PI4KA: variants seen among roughly 807,000 people sequenced by gnomAD.
PI4KA encodes the protein PI4-kinase alpha.
PI4KA carries 122 observed loss-of-function variants against 271.4 expected under a neutral mutation model. The observed-to-expected ratio is 0.45, with a 90% CI of 0.39 to 0.52. The LOEUF is 0.52. Ranked by LOEUF, PI4KA falls within the 20% of genes least tolerant of loss-of-function variation. PI4KA has a pLI of 0.00. For missense variants in PI4KA, 1,969 were observed against 2,769.1 expected, an observed-to-expected ratio of 0.71 and a Z score of 6.48; for synonymous variants, 1,041 against 1,078.8, an observed-to-expected ratio of 0.96 and a Z score of 0.69.
intron 22 of PI4KA, among the ~76,000 whole-genome samples, chr22:20,761,955 T>C (rs1932011809): frequency 6.6e-6 from 1 of 152,238 alleles, no homozygotes; most frequent in African/African-American, 2.4e-5. Flanking sequence ...AACAGTAGGA[T>C]AGTAGAAATG....
At chr22:20,804,883 G>C in intron 11 of PI4KA, 91 bp downstream of exon 11, 2 of 1,043,684 alleles carry the variant, frequency 1.9e-6, no homozygotes, top group Non-Finnish European at 2.9e-6. Flanking sequence ...ACAGAGCCAA[G>C]TGTTCTAGAA....
Position 20,708,197 on chromosome 22 carries a change from G to A in PI4KA, c.6258-99C>T, listed in dbSNP as rs1291547791. ...CTACCTGTCCAATCAGCCCCTTATG[G>A]CTGCCCAGCACCTGAAGGTACAAAT... On this transcript the variant is annotated intron_variant, in intron 54 of 54. Transcript: ENST00000255882. 3.3e-5 allele frequency: 30 copies of A among 901,520 alleles called. No homozygotes were observed. The East Asian group carries it at 6.7e-4, about 20-fold the overall frequency. 55.8% of individuals were successfully genotyped at this position (901,520 alleles called of 1,614,324 possible). A position where few individuals can be genotyped will look rare whatever the true frequency, so the allele number is the denominator to read the frequency against.
At chr22:20,753,921 C>T (rs1235508607) in intron 23 of PI4KA, among the ~76,000 whole-genome samples, 2 of 152,112 alleles carry the variant, frequency 1.3e-5, no homozygotes, top group African/African-American at 2.4e-5. Context: ...CTCCTGACAT[C>T]GTGATCCGCC....
intron 1 of PI4KA, among the ~76,000 whole-genome samples, chr22:20,855,941 T>TA (rs1434557071): frequency 6.6e-6 from 1 of 152,216 alleles, no homozygotes; most frequent in Non-Finnish European, 1.5e-5. Context: ...CAGGCTCTTG[T>TA]AAAAACAGCA....
rs780154359 is a variant in PI4KA, at chr22:20,819,599, G to C, written c.789+42C>G. 7 of 1,572,698 alleles carry C rather than the reference G, an allele frequency of 4.5e-6. No homozygotes were observed. The African/African-American group carries it at 9.5e-5, about 21-fold the overall frequency. ...ATTTTCTTCGCAGGGGAGCTTAACA[G>C]GGTCTTTCTCCTCTGCTCTTTCCCC... On this transcript the variant is annotated intron_variant, in intron 6 of 54. Coordinates refer to ENST00000255882, the MANE Select transcript of PI4KA (RefSeq NM_058004.4).
intron 8 of PI4KA, 115 bp downstream of exon 8, chr22:20,813,243 A>T: frequency 1.3e-6 from 1 of 760,584 alleles, no homozygotes; most frequent in Non-Finnish European, 2.2e-6. Flanking sequence ...TATGACTATT[A>T]AATTGTACTT....
intron 44 of PI4KA, among the ~76,000 whole-genome samples, chr22:20,718,471 G>A (rs1266689293): frequency 6.6e-6 from 1 of 152,164 alleles, no homozygotes; most frequent in Non-Finnish European, 1.5e-5. Flanking sequence ...TGGCGTGGCC[G>A]TGCATTCTGC....
At chr22:20,713,538 G>C in intron 47 of PI4KA, 148 bp from the exon 48 acceptor site, 1 of 628,272 alleles carries the variant, frequency 1.6e-6, no homozygotes, top group Non-Finnish European at 2.8e-6. Context: ...CCAAGGAGGA[G>C]CCCAGCAGGG....
In PI4KA at chr22:20,721,938, T is replaced by C. The variant is rs114731164; in HGVS notation, c.4996-520A>G. ...AGGAAGAGACCTGGTGGGAGGTGAC[T>C]GGATCATGGGGACGGTTCCCCCTTG... is the stretch of plus-strand genomic sequence containing the variant. On this transcript the variant is annotated intron_variant, in intron 42 of 54. Coordinates refer to ENST00000255882, the MANE Select transcript of PI4KA (RefSeq NM_058004.4). 4.8e-3 allele frequency: 768 copies of C among 159,106 alleles called. 11 individuals are homozygous for C. Among genetic ancestry groups the C allele is most frequent in the African/African-American group, 0.017 (699 of 41,772 alleles). 9.9% of individuals were successfully genotyped at this position (159,106 alleles called of 1,614,324 possible).
In PI4KA at chr22:20,824,241, T is replaced by C. The variant is rs1300811499; in HGVS notation, c.456+85A>G. Reference sequence around the variant, plus strand: ...ATATCAACAAACAATTCAATCACATTTCACGTTTTTAAAATCTTTTCATCA... The same window carrying C: ...ATATCAACAAACAATTCAATCACATCTCACGTTTTTAAAATCTTTTCATCA... On this transcript the variant is annotated intron_variant, in intron 4 of 54. Coordinates refer to ENST00000255882, the MANE Select transcript of PI4KA (RefSeq NM_058004.4). The C allele has an allele frequency of 3.5e-6, 3 of 860,984 alleles. No homozygotes were observed. The African/African-American group carries it at 5.0e-5, about 14-fold the overall frequency. 53.3% of individuals were successfully genotyped at this position (860,984 alleles called of 1,614,324 possible).
At chr22:20,716,998 C>A (rs1406169532) in intron 45 of PI4KA, among the ~76,000 whole-genome samples, 1 of 152,142 alleles carries the variant, frequency 6.6e-6, no homozygotes, top group Admixed American at 6.5e-5. Context: ...GTAATCCTAG[C>A]ACTTTGGGAG....
intron 42 of PI4KA, among the ~76,000 whole-genome samples, chr22:20,726,102 C>T (rs759732838): frequency 2.0e-5 from 3 of 152,174 alleles, no homozygotes; most frequent in Non-Finnish European, 2.9e-5. Context: ...TGTGGTGCTT[C>T]GCTATGCAGC....
intron 18 of PI4KA, among the ~76,000 whole-genome samples, chr22:20,793,643 T>C (rs1204987869): frequency 6.6e-6 from 1 of 152,176 alleles, no homozygotes; most frequent in African/African-American, 2.4e-5. Flanking sequence ...TACATATGCA[T>C]AAAAAAGCTA....
rs1926994064 is a variant in PI4KA, at chr22:20,851,641, T to C, written c.156+6929A>G. Reference sequence around the variant, plus strand: ...GCGTGAGCCACTGTGCCCGGCTGCGTTGGTTATCCTGAATCCAGGCTTCCA... The same window carrying C: ...GCGTGAGCCACTGTGCCCGGCTGCGCTGGTTATCCTGAATCCAGGCTTCCA... On this transcript the variant is annotated intron_variant, in intron 1 of 54. Coordinates refer to ENST00000255882, the MANE Select transcript of PI4KA (RefSeq NM_058004.4). 2.6e-5 allele frequency among the ~76,000 whole-genome samples: 4 copies of C among 152,168 alleles called. No individual in the cohort carries two copies. The South Asian group carries it at 8.3e-4, about 31-fold the overall frequency.
chr22:20,725,788 T>G (rs1568957902), intron 42 of PI4KA: 1 of 292,960 alleles, frequency 3.4e-6, no homozygotes. Context: ...CCCAGTTACT[T>G]GGGAGGGGTA....
chr22:20,752,296 G>A (rs1485803100), intron 25 of PI4KA, among the ~76,000 whole-genome samples: 1 of 152,180 alleles, frequency 6.6e-6, no homozygotes, highest in Non-Finnish European at 1.5e-5. Context: ...CTGACCACCT[G>A]TGGTGGCGCT....
intron 2 of PI4KA, among the ~76,000 whole-genome samples, chr22:20,837,544 T>C (rs1925018200): frequency 6.6e-6 from 1 of 152,190 alleles, no homozygotes; most frequent in Non-Finnish European, 1.5e-5. Flanking sequence ...TTAATGCTTA[T>C]TAGAGCAAAA....
At chr22:20,740,093 A>G (rs944935545) in intron 32 of PI4KA, among the ~76,000 whole-genome samples, 4 of 150,846 alleles carry the variant, frequency 2.7e-5, no homozygotes, top group African/African-American at 9.7e-5. Context: ...AAAAGAATTA[A>G]CTAGAAATCC....
chr22:20,805,173 A>G lies in PI4KA; in HGVS notation c.1169-8T>C, dbSNP rs1192469619. On this transcript the variant is annotated splice_region_variant and splice_polypyrimidine_tract_variant and intron_variant, in intron 10 of 54. Coordinates refer to ENST00000255882, the MANE Select transcript of PI4KA (RefSeq NM_058004.4). ...CAAAAGAGGTCGGGAGGTCTGTAGG[A>G]AAGAGTGTGGCATCACAGCTGGGAA... The G allele has an allele frequency of 2.1e-5, 33 of 1,608,818 alleles. 1 individual carries two copies. In the Admixed American group the frequency reaches 5.5e-4, roughly 27 times the overall value.
Sources: allele counts gnomAD v4.1 joint callset (sites outside exome capture counted in the v4.1 genomes callset), GRCh38; gene constraint gnomAD v4.1.1; transcripts MANE v1.5; gene names NCBI Gene and HGNC (gene_info 2026-07-23, HGNC 2026-07-21).